The following AGBL1 variants were observed in gnomAD, a reference collection of about 807,000 sequenced individuals.
AGBL1 encodes the protein cytosolic carboxypeptidase 4.
In AGBL1, 130 loss-of-function variants were observed where a neutral mutation model predicts 118.9. The observed-to-expected ratio is 1.09, with a 90% CI of 0.95 to 1.26. The LOEUF is 1.26. AGBL1 is among the 50% of genes most tolerant of loss of function. AGBL1 has a pLI of 0.00. For missense variants in AGBL1, 1,584 were observed against 1,298.1 expected, an observed-to-expected ratio of 1.22 and a Z score of -3.38; for synonymous variants, 555 against 478.9, an observed-to-expected ratio of 1.16 and a Z score of -2.08.
Position 86,224,954 on chromosome 15 carries a change from A to T in AGBL1, c.526+3A>T, listed in dbSNP as rs370523907. ...TTTGGCAGCATTGCTGAAATCCAGTAAGCACCTCTTTTGAAGGGTGGCTAT... is the reference window on the plus strand; with the variant it reads ...TTTGGCAGCATTGCTGAAATCCAGTTAGCACCTCTTTTGAAGGGTGGCTAT... On this transcript the variant is annotated splice_donor_region_variant and intron_variant, in intron 6 of 22. Transcript: ENST00000614907. 5.8e-5 allele frequency: 94 copies of T among 1,613,014 alleles called. No individual in the cohort carries two copies. Among genetic ancestry groups the T allele is most frequent in the Non-Finnish European group, 7.7e-5 (91 of 1,179,432 alleles).
chr15:86,236,945 G>C (rs1482079410), intron 6 of AGBL1, among the ~76,000 whole-genome samples: 480 of 39,898 alleles, frequency 0.012, 8 homozygotes, highest in South Asian at 0.016. Context: ...GGGGGGGCGG[G>C]GGGGGGCGGG....
intron 18 of AGBL1, among the ~76,000 whole-genome samples, chr15:86,494,248 G>A (rs1012691109): frequency 1.3e-5 from 2 of 152,026 alleles, no homozygotes; most frequent in African/African-American, 2.4e-5. Context: ...GGTCATGTTT[G>A]TAACAGAAGG....
At chr15:86,979,730 C>T (rs904454429) in intron 23 of AGBL1, among the ~76,000 whole-genome samples, 2 of 151,998 alleles carry the variant, frequency 1.3e-5, no homozygotes, top group Non-Finnish European at 2.9e-5. Flanking sequence ...GTCTCGATCT[C>T]CTGACCTCGT....
intron 21 of AGBL1, among the ~76,000 whole-genome samples, chr15:86,602,507 G>T (rs994452167): frequency 3.3e-5 from 5 of 152,166 alleles, no homozygotes; most frequent in Non-Finnish European, 5.9e-5. Flanking sequence ...ACCCAGGTAT[G>T]CTGTCAGTTA....
chr15:86,798,075 T>C lies in AGBL1; in HGVS notation c.3159-109012T>C, dbSNP rs74025496. Among the ~76,000 whole-genome samples, 797 of 152,292 alleles carry C rather than the reference T, an allele frequency of 5.2e-3. 9 individuals carry two copies. Among genetic ancestry groups the C allele is most frequent in the African/African-American group, 0.018 (741 of 41,560 alleles). Reference sequence around the variant, plus strand: ...CGACCACTTGGTACAGATGTTGCAATTGAAATCCTGAGGCTGTCACTGCAG... The same window carrying C: ...CGACCACTTGGTACAGATGTTGCAACTGAAATCCTGAGGCTGTCACTGCAG... On this transcript the variant is annotated intron_variant, in intron 22 of 22. Transcript: ENST00000614907.
At chr15:86,893,688 G>A (rs2080083623) in intron 22 of AGBL1, among the ~76,000 whole-genome samples, 1 of 152,128 alleles carries the variant, frequency 6.6e-6, no homozygotes, top group Non-Finnish European at 1.5e-5. Context: ...TATGTTTGAG[G>A]ATGAGGATGG....
At chr15:86,147,309 C>T (rs531241244) in intron 3 of AGBL1, among the ~76,000 whole-genome samples, 4 of 152,298 alleles carry the variant, frequency 2.6e-5, no homozygotes, top group South Asian at 2.1e-4. Context: ...CAGGGCAGGG[C>T]GTCGCCTCAC....
At chr15:86,279,940 A>G (rs1231078020) in intron 16 of AGBL1, among the ~76,000 whole-genome samples, 157 bp downstream of exon 16, 1 of 152,134 alleles carries the variant, frequency 6.6e-6, no homozygotes, top group Non-Finnish European at 1.5e-5. Context: ...GTTGTTACTG[A>G]CTTGGTGCTT....
At chr15:86,668,921 C>A (rs1489234769) in intron 21 of AGBL1, among the ~76,000 whole-genome samples, 2 of 152,142 alleles carry the variant, frequency 1.3e-5, no homozygotes, top group African/African-American at 2.4e-5. Flanking sequence ...CACAGCCCTC[C>A]TTCAAGCAGA....
At chr15:86,921,587 T>C (rs943949128) in intron 23 of AGBL1, among the ~76,000 whole-genome samples, 1 of 152,166 alleles carries the variant, frequency 6.6e-6, no homozygotes. Context: ...CAATATTTTC[T>C]TTTATTTCCA....
intron 22 of AGBL1, among the ~76,000 whole-genome samples, chr15:86,681,613 C>G (rs1427627327): frequency 1.3e-5 from 2 of 152,148 alleles, no homozygotes; most frequent in Non-Finnish European, 2.9e-5. Context: ...TTCTTTTGGT[C>G]TATTCATTTT....
chr15:86,434,050 C>G (rs1168136311), intron 18 of AGBL1, among the ~76,000 whole-genome samples: 1 of 152,226 alleles, frequency 6.6e-6, no homozygotes, highest in Non-Finnish European at 1.5e-5. Context: ...CAGGCATCTA[C>G]AAACCCAACT....
At position 86,834,220 on chromosome 15, in the gene AGBL1, G is replaced by T. The variant is rs147743907; in HGVS notation, c.3159-72867G>T. Among the ~76,000 whole-genome samples, 747 of 152,278 alleles carry T rather than the reference G, an allele frequency of 4.9e-3. 2 individuals are homozygous for T. Among genetic ancestry groups the T allele is most frequent in the Non-Finnish European group, 8.7e-3 (594 of 68,012 alleles). On this transcript the variant is annotated intron_variant, in intron 22 of 22. Coordinates refer to ENST00000614907, the MANE Select transcript of AGBL1 (RefSeq NM_001386094.1). ...AAAACAAGTGTTTGCAGCAACCACG[G>T]TATCCCAATAATAGATGCAAGGTAA...
chr15:86,814,601 A>T (rs758776988), intron 22 of AGBL1, among the ~76,000 whole-genome samples: 95 of 152,326 alleles, frequency 6.2e-4, no homozygotes, highest in Non-Finnish European at 7.9e-4. Context: ...GGAAGAGAAT[A>T]AAGTGTTACT....
intron 22 of AGBL1, among the ~76,000 whole-genome samples, chr15:86,756,495 G>T (rs1173999985): frequency 6.7e-6 from 1 of 149,812 alleles, no homozygotes; most frequent in Admixed American, 6.6e-5. Flanking sequence ...TCCATGCCAT[G>T]GGTGTTTTAA....
At chr15:86,103,336 G>A (rs964588856) in intron 1 of AGBL1, among the ~76,000 whole-genome samples, 4 of 151,934 alleles carry the variant, frequency 2.6e-5, no homozygotes, top group Non-Finnish European at 4.4e-5. Flanking sequence ...TCTTTTTCTG[G>A]GATTTTGTAA....
chr15:86,382,457 T>C (rs1004768789), intron 17 of AGBL1, among the ~76,000 whole-genome samples: 1 of 152,160 alleles, frequency 6.6e-6, no homozygotes, highest in Non-Finnish European at 1.5e-5. Flanking sequence ...CTAGGAGTTC[T>C]TGGCCTGCCA....
chr15:86,508,242 C>A lies in AGBL1; in HGVS notation c.2556-14568C>A, dbSNP rs558416490. Among the ~76,000 whole-genome samples, 6 of 152,012 alleles carry A rather than the reference C, an allele frequency of 3.9e-5. No homozygotes were observed. The South Asian group carries it at 1.2e-3, about 32-fold the overall frequency. Reference sequence around the variant, plus strand: ...CCACCTGTGATTTGCCTTTTAATTTCCTGGAACCACTTGTGTATGTGATTC... The same window carrying A: ...CCACCTGTGATTTGCCTTTTAATTTACTGGAACCACTTGTGTATGTGATTC... On this transcript the variant is annotated intron_variant, in intron 18 of 22. Coordinates refer to ENST00000614907, the MANE Select transcript of AGBL1 (RefSeq NM_001386094.1).
rs1290252470 is a variant in AGBL1 at position 86,135,104 on chromosome 15, A to T, written c.52-6900A>T. Among the ~76,000 whole-genome samples, 4 of 152,118 alleles carry T rather than the reference A, an allele frequency of 2.6e-5. No homozygotes were observed. In the East Asian group the frequency reaches 7.7e-4, roughly 29 times the overall value. On this transcript the variant is annotated intron_variant, in intron 1 of 22. Coordinates refer to ENST00000614907, the MANE Select transcript of AGBL1 (RefSeq NM_001386094.1). ...AGAGGTGTTTGGATCGTAGGGGCAG[A>T]TCCCCCATGAATGGCTGAGTGCCAC...
Sources: allele counts gnomAD v4.1 joint callset (sites outside exome capture counted in the v4.1 genomes callset), GRCh38; gene constraint gnomAD v4.1.1; transcripts MANE v1.5; gene names NCBI Gene and HGNC (gene_info 2026-07-23, HGNC 2026-07-21).